Variants in EYA4 observed in about 807,000 individuals in gnomAD.
EYA4 encodes the protein protein phosphatase EYA4.
In EYA4, 31 loss-of-function variants were observed where a neutral mutation model predicts 87.9. The observed-to-expected ratio is 0.35, with a 90% CI of 0.27 to 0.48. EYA4 has a LOEUF of 0.48. Among genes scored for constraint, EYA4 ranks in the 20% least tolerant of loss-of-function variants. The pLI is 0.99. For missense variants in EYA4, 678 were observed against 761.4 expected, an observed-to-expected ratio of 0.89 and a Z score of 1.29; for synonymous variants, 263 against 270.6, an observed-to-expected ratio of 0.97 and a Z score of 0.28.
intron 3 of EYA4, among the ~76,000 whole-genome samples, chr6:133,404,965 G>A (rs1243985159): frequency 2.6e-5 from 4 of 152,108 alleles, no homozygotes; most frequent in African/African-American, 7.2e-5. Flanking sequence ...TTACTCATTC[G>A]TAGCTGCCTT....
chr6:133,312,249 G>A (rs935584053), intron 2 of EYA4, among the ~76,000 whole-genome samples: 1 of 152,130 alleles, frequency 6.6e-6, no homozygotes, highest in African/African-American at 2.4e-5. Flanking sequence ...TAAGCTGAAT[G>A]TGGGGAGGGG....
chr6:133,264,265 C>A (rs542417434), intron 1 of EYA4, among the ~76,000 whole-genome samples: 76 of 152,320 alleles, frequency 5.0e-4, no homozygotes, highest in Non-Finnish European at 1.0e-3. Flanking sequence ...CTTCAAGGGG[C>A]CTTTTGGCAG....
chr6:133,522,809 T>C (rs1439563223), intron 17 of EYA4, among the ~76,000 whole-genome samples: 1 of 152,182 alleles, frequency 6.6e-6, no homozygotes, highest in Non-Finnish European at 1.5e-5. Flanking sequence ...CGTATGACTT[T>C]TAATAGCATA....
intron 2 of EYA4, among the ~76,000 whole-genome samples, chr6:133,373,949 G>A (rs1652845682): frequency 6.6e-6 from 1 of 151,908 alleles, no homozygotes; most frequent in Non-Finnish European, 1.5e-5. Context: ...AAAAAGTAAT[G>A]TGTTACCTTT....
intron 3 of EYA4, among the ~76,000 whole-genome samples, chr6:133,428,911 CTTTTTTTTTTTTTT>C (rs58727159): frequency 0.049 from 2,392 of 48,360 alleles, 107 homozygotes; most frequent in African/African-American, 0.17. Flanking sequence ...GATTTAGCTT[CTTTTTTTTTTTTTT>C]TTTTTTTTTT....
At chr6:133,405,630 G>A (rs79427126) in intron 3 of EYA4, among the ~76,000 whole-genome samples, 3,521 of 152,208 alleles carry the variant, frequency 0.023, 122 homozygotes, top group African/African-American at 0.079. Flanking sequence ...TTTAGGTGGG[G>A]CTACAGCAAA....
In EYA4 at chr6:133,425,579, G is replaced by A. The variant is rs181132846; in HGVS notation, c.84-21051G>A. Reference sequence around the variant, plus strand: ...TTGTTCAAATCTTTTCCTAACTACTGAGTTCAAAACCTGAATTATTTTTGT... The same window carrying A: ...TTGTTCAAATCTTTTCCTAACTACTAAGTTCAAAACCTGAATTATTTTTGT... On this transcript the variant is annotated intron_variant, in intron 3 of 19. Coordinates refer to ENST00000355286, the MANE Select transcript of EYA4 (RefSeq NM_004100.5). Among the ~76,000 whole-genome samples, 305 of 150,696 alleles carry A rather than the reference G, an allele frequency of 2.0e-3. 18 individuals are homozygous for A. Among genetic ancestry groups the A allele is most frequent in the Middle Eastern group, 0.01 (3 of 294 alleles).
At chr6:133,395,696 G>T (rs1340471708) in intron 3 of EYA4, among the ~76,000 whole-genome samples, 1 of 152,202 alleles carries the variant, frequency 6.6e-6, no homozygotes, top group South Asian at 2.1e-4. Context: ...GAGAGGTGGA[G>T]GTTGCAGTGA....
In EYA4 at chr6:133,376,350, C is replaced by T. The variant is rs374912948; in HGVS notation, c.34-6042C>T. The stretch of plus-strand genomic sequence containing the variant: ...ACTTTCATTTGTGAAATTTTAATCT[C>T]GAATTTATAGTTGCTGAATCCACCT... On this transcript the variant is annotated intron_variant, in intron 2 of 19. Transcript: ENST00000355286. 5.3e-5 allele frequency among the ~76,000 whole-genome samples: 8 copies of T among 151,782 alleles called. 1 individual carries two copies. Among genetic ancestry groups the T allele is most frequent in the East Asian group, 3.9e-4 (2 of 5,180 alleles).
chr6:133,266,081 G>T lies in EYA4; in HGVS notation c.-65-8635G>T, dbSNP rs149233963. Among the ~76,000 whole-genome samples, 243 of 152,186 alleles carry T rather than the reference G, an allele frequency of 1.6e-3. 1 individual carries two copies. Among genetic ancestry groups the T allele is most frequent in the African/African-American group, 5.5e-3 (228 of 41,514 alleles). Reference sequence around the variant, plus strand: ...ATGTGTGGTGAGTAAATTGTGTTCCGTAAAAGATACTTTTAAATCCTAATG... The same window carrying T: ...ATGTGTGGTGAGTAAATTGTGTTCCTTAAAAGATACTTTTAAATCCTAATG... On this transcript the variant is annotated intron_variant, in intron 1 of 19. Coordinates refer to ENST00000355286, the MANE Select transcript of EYA4 (RefSeq NM_004100.5).
chr6:133,511,803 C>T (rs1799164006), intron 14 of EYA4: 1 of 152,054 alleles, frequency 6.6e-6, no homozygotes, highest in South Asian at 2.1e-4. Context: ...AACATCATCT[C>T]TAGTAAAAAT....
chr6:133,249,687 A>C (rs138627187), intron 1 of EYA4, among the ~76,000 whole-genome samples: 9 of 152,296 alleles, frequency 5.9e-5, no homozygotes, highest in Non-Finnish European at 1.2e-4. Context: ...TCTGGAAAAC[A>C]TCGCCCCTCT....
intron 2 of EYA4, among the ~76,000 whole-genome samples, chr6:133,306,393 G>A (rs1215145614): frequency 6.6e-6 from 1 of 152,176 alleles, no homozygotes; most frequent in East Asian, 1.9e-4. Flanking sequence ...GGTAGAATCT[G>A]TAGCCAGTAA....
At chr6:133,358,764 T>C (rs1301727028) in intron 2 of EYA4, among the ~76,000 whole-genome samples, 1 of 152,208 alleles carries the variant, frequency 6.6e-6, no homozygotes, top group East Asian at 1.9e-4. Context: ...GTGTATGAAC[T>C]AGTAGGAAGA....
intron 3 of EYA4, among the ~76,000 whole-genome samples, chr6:133,401,367 T>C (rs1788245684): frequency 8.0e-6 from 1 of 124,332 alleles, no homozygotes; most frequent in Admixed American, 7.7e-5. Flanking sequence ...TATTAATCTA[T>C]TGTACATTTC....
intron 2 of EYA4, among the ~76,000 whole-genome samples, chr6:133,344,633 G>T (rs953585448): frequency 6.6e-6 from 1 of 152,114 alleles, no homozygotes; most frequent in African/African-American, 2.4e-5. Flanking sequence ...CATTTGAAAT[G>T]ATTATTTTGA....
chr6:133,512,744 T>C lies in EYA4; in HGVS notation c.1305T>C (p.Asp435=). The change falls in exon 15 of 20, where the codon GAT becomes GAC. Residue 435 remains aspartate (D), a synonymous_variant. Coordinates refer to ENST00000355286, the MANE Select transcript of EYA4 (RefSeq NM_004100.5). ...DLEECDQVHI[D]DVSSDDNGQD... is the part of the protein sequence containing the mutation. The stretch of plus-strand genomic sequence containing the variant: ...AGGAGTGTGATCAAGTTCATATAGA[T>C]GATGTTTCCTCTGATGATAATGGGC... The C allele has an allele frequency of 1.2e-6, 2 of 1,613,028 alleles. No individual in the cohort carries two copies. The highest frequency in any genetic ancestry group is 1.7e-6 in the Non-Finnish European group (2 of 1,178,968).
intron 2 of EYA4, among the ~76,000 whole-genome samples, chr6:133,331,034 T>TG (rs1028279817): frequency 2.7e-5 from 4 of 148,566 alleles, no homozygotes; most frequent in Non-Finnish European, 6.0e-5. Context: ...CGGGTTTTTT[T>TG]TTTTTTTTTT....
At chr6:133,462,786 A>G (rs1366493051) in intron 9 of EYA4, 22 bp downstream of exon 9, 3 of 1,610,218 alleles carry the variant, frequency 1.9e-6, no homozygotes, top group Non-Finnish European at 1.7e-6. Flanking sequence ...CACATGAAAC[A>G]TGTTTTGGGA....
Sources: allele counts gnomAD v4.1 joint callset (sites outside exome capture counted in the v4.1 genomes callset), GRCh38; gene constraint gnomAD v4.1.1; transcripts MANE v1.5; gene names NCBI Gene and HGNC (gene_info 2026-07-23, HGNC 2026-07-21).